SPRED1: variants seen among roughly 807,000 people sequenced by gnomAD.
SPRED1 encodes the protein sprouty-related, EVH1 domain-containing protein 1.
Under a neutral mutation model 52.3 loss-of-function variants are expected in SPRED1, and 18 were observed. The observed-to-expected ratio is 0.34, with a 90% CI of 0.24 to 0.51. The LOEUF (loss-of-function observed/expected upper bound fraction) is 0.51, where lower values mean the gene tolerates loss of function less well. Among genes scored for constraint, SPRED1 ranks in the 20% least tolerant of loss-of-function variants. SPRED1 has a pLI of 0.97. For missense variants in SPRED1, 485 were observed against 551.0 expected, an observed-to-expected ratio of 0.88 and a Z score of 1.20; for synonymous variants, 155 against 179.7, an observed-to-expected ratio of 0.86 and a Z score of 1.10.
Position 38,347,461 on chromosome 15 carries a change from CTTTT to C in SPRED1, c.583-1940_583-1937del, listed in dbSNP as rs3075337. On this transcript the variant is annotated intron_variant, in intron 5 of 6. Transcript: ENST00000299084. ...CCTAACTTTGTTTTCCCGCTTGGAT[CTTTT>C]TTTTTTTTTTTTTTTTTTTTCAATT... is the stretch of plus-strand genomic sequence containing the variant. 4.9e-3 allele frequency among the ~76,000 whole-genome samples: 459 copies of C among 93,174 alleles called. 2 individuals carry two copies. Among genetic ancestry groups the C allele is most frequent in the Admixed American group, 7.1e-3 (57 of 8,028 alleles). 61.1% of individuals were successfully genotyped at this position (93,174 alleles called of 152,430 possible).
chr15:38,282,213 G>A lies in SPRED1; in HGVS notation c.33-17160G>A, dbSNP rs993558507. Among the ~76,000 whole-genome samples the A allele has an allele frequency of 9.2e-5, 14 of 152,158 alleles. No homozygotes were observed. The East Asian group carries it at 2.3e-3, about 25-fold the overall frequency. On this transcript the variant is annotated intron_variant, in intron 1 of 6. Coordinates refer to ENST00000299084, the MANE Select transcript of SPRED1 (RefSeq NM_152594.3). ...ATTCTGGCCAGAATCGGTGGCTCAT[G>A]CCTGTAATCCCAGCACTTTGGGAGG... is the stretch of plus-strand genomic sequence containing the variant.
chr15:38,340,592 G>T (rs1013702219), intron 5 of SPRED1, among the ~76,000 whole-genome samples: 2 of 151,984 alleles, frequency 1.3e-5, no homozygotes, highest in African/African-American at 4.8e-5. Context: ...GAGTGCAGTG[G>T]CATGATCTTG....
chr15:38,293,414 T>A (rs891825286), intron 1 of SPRED1, among the ~76,000 whole-genome samples: 10 of 152,114 alleles, frequency 6.6e-5, no homozygotes, highest in Non-Finnish European at 1.5e-4. Context: ...TTACAACTTT[T>A]AAGAGGTGAC....
In SPRED1 at chr15:38,355,931, A is replaced by G. The variant is rs1345383697; in HGVS notation, c.*4267A>G. 9 of 152,322 alleles carry G rather than the reference A, an allele frequency of 5.9e-5. No individual in the cohort carries two copies. Among genetic ancestry groups the G allele is most frequent in the African/African-American group, 2.2e-4 (9 of 41,578 alleles). 9.4% of individuals were successfully genotyped at this position (152,322 alleles called of 1,614,324 possible). On this transcript the variant is annotated 3_prime_UTR_variant, in exon 7 of 7. Transcript: ENST00000299084. ...AGGTGATTTATATAAACCAAAAGAA[A>G]AAAAAAGGCTTTAAGGTATTAGGTA...
intron 1 of SPRED1, among the ~76,000 whole-genome samples, chr15:38,281,919 G>T (rs550467159): frequency 6.6e-6 from 1 of 152,240 alleles, no homozygotes; most frequent in East Asian, 1.9e-4. Context: ...TAGATGTAAA[G>T]TCGATACCTA....
chr15:38,298,199 T>C (rs4924232), intron 1 of SPRED1, among the ~76,000 whole-genome samples: 2 of 152,028 alleles, frequency 1.3e-5, no homozygotes, highest in African/African-American at 4.8e-5. Context: ...AAGTTAAGAC[T>C]GAAAACACCA....
At chr15:38,307,282 T>C (rs1566862228) in intron 2 of SPRED1, among the ~76,000 whole-genome samples, 1 of 152,206 alleles carries the variant, frequency 6.6e-6, no homozygotes, top group East Asian at 1.9e-4. Flanking sequence ...ATTAGTTTCC[T>C]TGGGCTGCCG....
chr15:38,268,927 T>C (rs1247644121), intron 1 of SPRED1, among the ~76,000 whole-genome samples: 1 of 147,424 alleles, frequency 6.8e-6, no homozygotes, highest in Non-Finnish European at 1.5e-5. Flanking sequence ...ATATTTATAG[T>C]ACTAACTTTT....
intron 1 of SPRED1, among the ~76,000 whole-genome samples, chr15:38,286,431 A>T (rs1398594869): frequency 1.3e-5 from 2 of 151,858 alleles, no homozygotes; most frequent in African/African-American, 2.4e-5. Flanking sequence ...CTAATGGGAA[A>T]TCTGCTTGTA....
chr15:38,267,996 A>G (rs532002485), intron 1 of SPRED1, among the ~76,000 whole-genome samples: 3 of 152,210 alleles, frequency 2.0e-5, no homozygotes, highest in South Asian at 4.1e-4. Context: ...TGGGAAAACA[A>G]CTGTCCTAGT....
intron 1 of SPRED1, among the ~76,000 whole-genome samples, chr15:38,280,315 A>G (rs1894658960): frequency 6.6e-6 from 1 of 152,166 alleles, no homozygotes; most frequent in African/African-American, 2.4e-5. Context: ...CCCTCCAGCA[A>G]GTTAATGAAA....
intron 1 of SPRED1, among the ~76,000 whole-genome samples, chr15:38,295,371 C>T (rs184998509): frequency 1.3e-5 from 2 of 152,284 alleles, no homozygotes; most frequent in Non-Finnish European, 2.9e-5. Flanking sequence ...GTTGGACAGG[C>T]TTGCTGTACA....
intron 5 of SPRED1, among the ~76,000 whole-genome samples, chr15:38,345,794 G>T (rs1297695490): frequency 6.6e-6 from 1 of 152,062 alleles, no homozygotes; most frequent in African/African-American, 2.4e-5. Flanking sequence ...TACTGTCTTT[G>T]TTATACTGGA....
chr15:38,255,298 G>T (rs1261086311), intron 1 of SPRED1, among the ~76,000 whole-genome samples: 1 of 152,090 alleles, frequency 6.6e-6, no homozygotes, highest in Admixed American at 6.5e-5. Flanking sequence ...TCATCTAAAT[G>T]TACTTAGTAT....
intron 1 of SPRED1, among the ~76,000 whole-genome samples, chr15:38,254,446 G>A (rs1458680831): frequency 6.6e-6 from 1 of 152,156 alleles, no homozygotes. Context: ...AGAAGCAGAA[G>A]TGGCAGCCAT....
chr15:38,289,698 T>C (rs1894882185), intron 1 of SPRED1, among the ~76,000 whole-genome samples: 1 of 152,170 alleles, frequency 6.6e-6, no homozygotes, highest in Non-Finnish European at 1.5e-5. Flanking sequence ...TTCATGACTT[T>C]GAGGGTAGAA....
At chr15:38,263,471 C>G (rs1224214924) in intron 1 of SPRED1, among the ~76,000 whole-genome samples, 4 of 152,100 alleles carry the variant, frequency 2.6e-5, no homozygotes, top group Admixed American at 2.0e-4. Flanking sequence ...AAGTGAGAAA[C>G]AGCAGTGTTT....
chr15:38,256,819 A>C (rs960842525), intron 1 of SPRED1, among the ~76,000 whole-genome samples: 5 of 143,124 alleles, frequency 3.5e-5, no homozygotes, highest in African/African-American at 1.3e-4. Flanking sequence ...GTACACACAC[A>C]CACATATATA....
At chr15:38,271,482 A>G (rs1399526523) in intron 1 of SPRED1, among the ~76,000 whole-genome samples, 7 of 126,086 alleles carry the variant, frequency 5.6e-5, no homozygotes. Context: ...AGAGACAGCT[A>G]ACATTTATTG....
Sources: gnomAD v4.1 joint callset for allele counts (sites outside exome capture counted in the v4.1 genomes callset) on GRCh38, gnomAD v4.1.1 for gene constraint, MANE v1.5 for transcripts, NCBI Gene and HGNC (gene_info 2026-07-23, HGNC 2026-07-21) for gene names.